SLC13A3: variants seen among roughly 807,000 people sequenced by gnomAD.
SLC13A3 encodes Na(+)/dicarboxylate cotransporter 3.
Under a neutral mutation model 59.0 loss-of-function variants are expected in SLC13A3, and 40 were observed. That is an observed-to-expected ratio of 0.68 (90% confidence interval 0.53 to 0.88). The LOEUF (loss-of-function observed/expected upper bound fraction) is 0.88, where lower values mean the gene tolerates loss of function less well. Ranked by LOEUF, SLC13A3 falls within the 40% of genes least tolerant of loss-of-function variation. The pLI, the probability that SLC13A3 is intolerant of heterozygous loss-of-function variation, is 0.00. For synonymous variants in SLC13A3, 317 were observed against 330.3 expected, an observed-to-expected ratio of 0.96 and a Z score of 0.44; for missense variants, 699 against 783.2, an observed-to-expected ratio of 0.89 and a Z score of 1.28.
intron 8 of SLC13A3, among the ~76,000 whole-genome samples, chr20:46,587,563 GTCTTCCTAAGC>G (rs2122661117): frequency 6.6e-6 from 1 of 152,308 alleles, no homozygotes; most frequent in African/African-American, 2.4e-5. Context: ...TTCATCTGCA[GTCTTCCTAAGC>G]TTTGGCTCTT....
intron 5 of SLC13A3, among the ~76,000 whole-genome samples, chr20:46,593,180 A>C (rs530851052): frequency 6.6e-6 from 1 of 152,370 alleles, no homozygotes; most frequent in South Asian, 2.1e-4. Flanking sequence ...GTGCTGGTGA[A>C]GATGTGGAAA....
intron 1 of SLC13A3, among the ~76,000 whole-genome samples, chr20:46,643,452 G>A (rs1220390805): frequency 2.0e-5 from 3 of 152,154 alleles, no homozygotes; most frequent in Admixed American, 6.5e-5. Context: ...TCAGAACGAG[G>A]GGGCTGCAAG....
At chr20:46,659,929 G>C (rs976035082) in intron 1 of SLC13A3, among the ~76,000 whole-genome samples, 3 of 152,088 alleles carry the variant, frequency 2.0e-5, no homozygotes, top group African/African-American at 7.2e-5. Context: ...TTGTGAGCCA[G>C]CTGTAGAACT....
chr20:46,604,041 C>T (rs1361030702), intron 3 of SLC13A3, among the ~76,000 whole-genome samples: 1 of 151,170 alleles, frequency 6.6e-6, no homozygotes, highest in East Asian at 1.9e-4. Context: ...TGAGTACTAG[C>T]AAATGTTCAG....
intron 1 of SLC13A3, 106 bp from the exon 2 acceptor site, chr20:46,613,831 G>A: frequency 1.0e-6 from 1 of 977,448 alleles, no homozygotes; most frequent in Non-Finnish European, 1.5e-6. Flanking sequence ...GCTGGGGGCA[G>A]AGGGGGAAGG....
At chr20:46,683,873 A>G (rs1387143790) in intron 1 of SLC13A3, among the ~76,000 whole-genome samples, 1 of 151,958 alleles carries the variant, frequency 6.6e-6, no homozygotes, top group East Asian at 1.9e-4. Context: ...TTTTTACTGG[A>G]CCAGCTGGTT....
Position 46,565,561 on chromosome 20 carries a change from C to A in SLC13A3, c.1494+668G>T, listed in dbSNP as rs113899030. Among the ~76,000 whole-genome samples the A allele has an allele frequency of 3.6e-3, 547 of 152,250 alleles. 7 individuals are homozygous for A. The highest frequency in any genetic ancestry group is 0.012 in the African/African-American group (509 of 41,534). The stretch of plus-strand genomic sequence containing the variant: ...CTAGTCTGAAACTCCTGAGCTCAAG[C>A]AATCTGCCTGCTTCAGCCTCCAAAA... On this transcript the variant is annotated intron_variant, in intron 11 of 12. Transcript: ENST00000279027.
Position 46,563,474 on chromosome 20 carries a change from C to A in SLC13A3, c.1572G>T (p.Pro524=), listed in dbSNP as rs774848776. 2.5e-6 allele frequency: 4 copies of A among 1,613,956 alleles called. No individual in the cohort carries two copies. The East Asian group carries it at 8.9e-5, about 36-fold the overall frequency. ...TVGCSFAFML[P]VSTPPNSIAF... is the part of the protein sequence containing the mutation. ...CGATGGAGTTGGGGGGCGTTGAGAC[C>A]GGGAGCATGAAGGCAAAGGAGCAGC... Residue 524 remains proline (P), a synonymous_variant, in exon 12 of 13, where the codon CCG becomes CCT. Coordinates refer to ENST00000279027, the MANE Select transcript of SLC13A3 (RefSeq NM_022829.6).
At position 46,559,280 on chromosome 20, in the gene SLC13A3, T is replaced by A. The variant is rs771293317; in HGVS notation, c.*742A>T. 14 of 152,122 alleles carry A rather than the reference T, an allele frequency of 9.2e-5. No individual in the cohort carries two copies. The highest frequency in any genetic ancestry group is 1.6e-4 in the Non-Finnish European group (11 of 68,092). The allele number at this position is 152,122 out of a possible 1,614,324, so 9.4% of individuals were successfully genotyped here. ...ACCCAGGCCTGGCCTGACCCCAGAA[T>A]TATGGCCAAACTGACCCAGATGAAA... On this transcript the variant is annotated 3_prime_UTR_variant, in exon 13 of 13. Transcript: ENST00000279027.
intron 1 of SLC13A3, among the ~76,000 whole-genome samples, chr20:46,618,936 A>G (rs1049223129): frequency 1.3e-5 from 2 of 152,210 alleles, no homozygotes; most frequent in Non-Finnish European, 2.9e-5. Context: ...GTTGCCTTTC[A>G]GTGGGATAAC....
At chr20:46,656,894 C>T (rs1421519245) in intron 1 of SLC13A3, among the ~76,000 whole-genome samples, 6 of 152,022 alleles carry the variant, frequency 3.9e-5, no homozygotes, top group Admixed American at 2.6e-4. Flanking sequence ...TCTCCATTTG[C>T]TGTTGAACCC....
At position 46,592,257 on chromosome 20, in the gene SLC13A3, A is replaced by C. The variant is rs992331838; in HGVS notation, c.920+147T>G. The C allele has an allele frequency of 8.0e-4, 759 of 944,150 alleles. 9 individuals are homozygous for C. In the African/African-American group the frequency reaches 0.011, roughly 14 times the overall value. The allele number at this position is 944,150 out of a possible 1,614,324, so 58.5% of individuals were successfully genotyped here. A position where few individuals can be genotyped will look rare whatever the true frequency, so the allele number is the denominator to read the frequency against. ...CATACATACATACATACATATATACATACCTACATACATACATACATAAAA... is the reference window on the plus strand; with the variant it reads ...CATACATACATACATACATATATACCTACCTACATACATACATACATAAAA... On this transcript the variant is annotated intron_variant, in intron 6 of 12. Transcript: ENST00000279027.
intron 1 of SLC13A3, among the ~76,000 whole-genome samples, chr20:46,617,613 T>TGC (rs145594125): frequency 0.47 from 71,681 of 151,118 alleles, 17,894 homozygotes; most frequent in African/African-American, 0.64. Context: ...TGTGTGCGTG[T>TGC]GTGTGTGTGT....
intron 11 of SLC13A3, among the ~76,000 whole-genome samples, chr20:46,563,997 A>G (rs2146077522): frequency 6.6e-6 from 1 of 152,322 alleles, no homozygotes; most frequent in Admixed American, 6.5e-5. Flanking sequence ...CCTCACCCAG[A>G]ATTGCTGATT....
intron 1 of SLC13A3, among the ~76,000 whole-genome samples, chr20:46,633,355 C>T (rs2062763043): frequency 6.6e-6 from 1 of 152,196 alleles, no homozygotes; most frequent in Admixed American, 6.5e-5. Context: ...AACAAGGCCA[C>T]TAGGAGTCAC....
chr20:46,575,425 A>T, intron 10 of SLC13A3, 148 bp downstream of exon 10: 1 of 491,494 alleles, frequency 2.0e-6, no homozygotes, highest in Non-Finnish European at 3.6e-6. Flanking sequence ...AACTATGATC[A>T]TCTCAGTTTG....
intron 10 of SLC13A3, among the ~76,000 whole-genome samples, chr20:46,573,004 CTAA>C (rs1381667221): frequency 6.6e-6 from 1 of 152,220 alleles, no homozygotes. Flanking sequence ...ACCTCTGCTA[CTAA>C]TGAGCTGTGT....
intron 1 of SLC13A3, among the ~76,000 whole-genome samples, chr20:46,646,518 G>A (rs181482207): frequency 9.9e-5 from 15 of 152,080 alleles, no homozygotes; most frequent in South Asian, 4.1e-4. Flanking sequence ...CCTAATTCTC[G>A]TAACAGAATG....
Position 46,600,037 on chromosome 20 carries a change from G to T in SLC13A3, c.542C>A (p.Ala181Asp). The T allele has an allele frequency of 1.3e-6, 2 of 1,558,762 alleles. No individual in the cohort carries two copies. Among genetic ancestry groups the T allele is most frequent in the Non-Finnish European group, 1.8e-6 (2 of 1,141,708 alleles). ...DPSQESEENT[A>D]AVRRNGLHTV... ...GTGTAGGCCGTTTCTCCGCACAGCAGCTAGGAGGAAAGAGCATGATGTCTT... is the reference window on the plus strand; with the variant it reads ...GTGTAGGCCGTTTCTCCGCACAGCATCTAGGAGGAAAGAGCATGATGTCTT... The change falls in exon 4 of 13, where the codon GCT (alanine) becomes GAT (aspartate). Residue 181 changes from alanine (A) to aspartate (D), a missense_variant and splice_region_variant. Physicochemically the swap from Ala to Asp is moderately radical, Grantham distance 126. Coordinates refer to ENST00000279027, the MANE Select transcript of SLC13A3 (RefSeq NM_022829.6).
Sources: gnomAD v4.1 joint callset for allele counts (sites outside exome capture counted in the v4.1 genomes callset) on GRCh38, gnomAD v4.1.1 for gene constraint, MANE v1.5 for transcripts, NCBI Gene and HGNC (gene_info 2026-07-23, HGNC 2026-07-21) for gene names.